Variants in PACRG observed in about 807,000 individuals in gnomAD.
PACRG encodes parkin coregulated gene protein.
A neutral mutation model predicts 29.7 loss-of-function variants in PACRG; 29 were observed. That is an observed-to-expected ratio of 0.98 (90% CI 0.73 to 1.33). The LOEUF (loss-of-function observed/expected upper bound fraction) is 1.33, where lower values mean the gene tolerates loss of function less well. Among genes scored for constraint, PACRG ranks in the 40% most tolerant of loss-of-function variants. PACRG has a pLI of 0.00. For missense variants in PACRG, 279 were observed against 316.2 expected (o/e 0.88, Z 0.89); for synonymous variants, 116 against 118.7 (o/e 0.98, Z 0.15).
At chr6:162,962,663 CCA>C (rs1800726769) in intron 2 of PACRG, among the ~76,000 whole-genome samples, 1 of 152,194 alleles carries the variant, frequency 6.6e-6, no homozygotes, top group Admixed American at 6.5e-5. Context: ...TCATCAGGAA[CCA>C]CATCTGCCAG....
chr6:163,258,688 C>G (rs1218385233), intron 4 of PACRG, among the ~76,000 whole-genome samples: 2 of 149,226 alleles, frequency 1.3e-5, no homozygotes, highest in Admixed American at 1.3e-4. Context: ...ACCTGGGAGG[C>G]GGAGCTTGCA....
chr6:163,278,799 C>G (rs1784138040), intron 4 of PACRG, among the ~76,000 whole-genome samples: 1 of 151,994 alleles, frequency 6.6e-6, no homozygotes. Flanking sequence ...TTTCCTTATT[C>G]TTGCTTTGCT....
chr6:163,182,055 C>T (rs1387567742), intron 4 of PACRG, among the ~76,000 whole-genome samples: 1 of 152,228 alleles, frequency 6.6e-6, no homozygotes, highest in Non-Finnish European at 1.5e-5. Context: ...CAAATTTCAA[C>T]TCAAGTAGGT....
chr6:163,298,951 GC>G (rs913310590), intron 4 of PACRG, among the ~76,000 whole-genome samples: 1 of 152,074 alleles, frequency 6.6e-6, no homozygotes, highest in Non-Finnish European at 1.5e-5. Context: ...GCCTGTAGTG[GC>G]CCCCCAAGTC....
chr6:163,145,790 T>A (rs1777772342), intron 4 of PACRG, among the ~76,000 whole-genome samples: 1 of 152,152 alleles, frequency 6.6e-6, no homozygotes, highest in African/African-American at 2.4e-5. Context: ...CTGTTAGAGG[T>A]TACTTACCTA....
rs892480180 is a variant in PACRG, at chr6:163,062,251, C to A, written c.393C>A (p.Ile131=). Residue 131 remains isoleucine, a synonymous_variant, in exon 3 of 5, where the codon ATC becomes ATA. Coordinates refer to ENST00000366888, the MANE Select transcript of PACRG (RefSeq NM_001080379.2). Reference sequence around the variant, plus strand: ...ATGAGTTTTTTGCTCGGCAAGGAATCCACGACATGCTGGAACACGGTGGGA... The same window carrying A: ...ATGAGTTTTTTGCTCGGCAAGGAATACACGACATGCTGGAACACGGTGGGA... The part of the protein sequence containing the change: ...FPYEFFARQG[I]HDMLEHGGNK... The A allele has an allele frequency of 2.5e-6, 4 of 1,614,038 alleles. No individual in the cohort carries two copies. The highest frequency in any genetic ancestry group is 3.4e-6 in the Non-Finnish European group (4 of 1,180,044).
intron 2 of PACRG, among the ~76,000 whole-genome samples, chr6:162,956,040 C>T (rs548226660): frequency 6.6e-6 from 1 of 152,288 alleles, no homozygotes; most frequent in South Asian, 2.1e-4. Context: ...CTGCTGTTTT[C>T]TCTTTGCTCC....
intron 4 of PACRG, among the ~76,000 whole-genome samples, chr6:163,163,872 AAG>A (rs1488151422): frequency 2.0e-5 from 3 of 152,132 alleles, no homozygotes; most frequent in African/African-American, 7.2e-5. Flanking sequence ...CAAAGGGAAA[AAG>A]AATTTGTAGG....
At chr6:163,270,476 TCCTCCCATCTCAG>T (rs1199320361) in intron 4 of PACRG, among the ~76,000 whole-genome samples, 1 of 152,064 alleles carries the variant, frequency 6.6e-6, no homozygotes, top group Non-Finnish European at 1.5e-5. Flanking sequence ...GATCAAGGGA[TCCTCCCATCTCAG>T]CCTCTCAAGT....
chr6:162,947,496 CATAT>C (rs1250082850), intron 2 of PACRG, among the ~76,000 whole-genome samples: 2 of 114,476 alleles, frequency 1.7e-5, no homozygotes, highest in African/African-American at 3.4e-5. Flanking sequence ...TATATATACT[CATAT>C]ATATATAATC....
At chr6:162,943,720 A>G (rs1185948880) in intron 2 of PACRG, among the ~76,000 whole-genome samples, 1 of 152,086 alleles carries the variant, frequency 6.6e-6, no homozygotes, top group Non-Finnish European at 1.5e-5. Context: ...TGCCCTGTGC[A>G]CCATAGGCAC....
intron 2 of PACRG, among the ~76,000 whole-genome samples, chr6:162,814,724 G>A (rs1421268594): frequency 6.6e-6 from 1 of 152,110 alleles, no homozygotes; most frequent in East Asian, 1.9e-4. Flanking sequence ...GAAATGCAGA[G>A]TAGAATACAA....
At chr6:163,295,566 TA>T (rs1784755202) in intron 4 of PACRG, among the ~76,000 whole-genome samples, 1 of 152,182 alleles carries the variant, frequency 6.6e-6, no homozygotes, top group Admixed American at 6.5e-5. Context: ...TGAAAGAAAG[TA>T]ACATTTTTTA....
At chr6:162,979,224 C>T (rs1218682225) in intron 2 of PACRG, among the ~76,000 whole-genome samples, 1 of 152,086 alleles carries the variant, frequency 6.6e-6, no homozygotes, top group African/African-American at 2.4e-5. Context: ...CTCCCTTCCT[C>T]CTGGGGTGAG....
At chr6:162,821,813 T>C (rs1387248278) in intron 2 of PACRG, among the ~76,000 whole-genome samples, 1 of 152,186 alleles carries the variant, frequency 6.6e-6, no homozygotes, top group African/African-American at 2.4e-5. Flanking sequence ...TCCTGTCTTA[T>C]CACTCGTCAC....
chr6:162,787,559 TG>T (rs1208970954), intron 1 of PACRG, among the ~76,000 whole-genome samples: 9 of 38,164 alleles, frequency 2.4e-4, no homozygotes, highest in Admixed American at 3.7e-4. Flanking sequence ...ATATGGTTAT[TG>T]TGTGTGTGTG....
intron 4 of PACRG, among the ~76,000 whole-genome samples, chr6:163,090,673 A>C (rs191398192): frequency 6.6e-6 from 1 of 152,356 alleles, no homozygotes; most frequent in East Asian, 1.9e-4. Flanking sequence ...ATATCCATGA[A>C]GTTATGGGAG....
At chr6:162,747,404 A>ATAAAAC (rs1781138158) in intron 1 of PACRG, among the ~76,000 whole-genome samples, 1 of 19,530 alleles carries the variant, frequency 5.1e-5, no homozygotes, top group Non-Finnish European at 8.3e-5. Context: ...ATATATATGT[A>ATAAAAC]TATATATATA....
At chr6:163,137,503 C>T (rs1816981018) in intron 4 of PACRG, among the ~76,000 whole-genome samples, 1 of 152,076 alleles carries the variant, frequency 6.6e-6, no homozygotes, top group African/African-American at 2.4e-5. Flanking sequence ...CAAAGAGGAG[C>T]GCCAGGATTT....
Sources: gnomAD v4.1 joint callset for allele counts (sites outside exome capture counted in the v4.1 genomes callset) on GRCh38, gnomAD v4.1.1 for gene constraint, MANE v1.5 for transcripts, NCBI Gene and HGNC (gene_info 2026-07-23, HGNC 2026-07-21) for gene names.